Variants in DPP6 observed in about 807,000 individuals in gnomAD.
The protein encoded by DPP6 is A-type potassium channel modulatory protein DPP6.
In DPP6, 69 loss-of-function variants were observed where a neutral mutation model predicts 122.6. The observed-to-expected ratio is 0.56, with a 90% CI of 0.46 to 0.69. DPP6 has a LOEUF of 0.69. DPP6 is among the 30% of genes least tolerant of loss of function. DPP6 has a pLI of 0.00. For synonymous variants in DPP6, 418 were observed against 433.1 expected (o/e 0.97, Z 0.43); for missense variants, 928 against 1,116.9 (o/e 0.83, Z 2.41).
At chr7:153,904,830 T>C (rs1290365102) in intron 1 of DPP6, among the ~76,000 whole-genome samples, 1 of 152,260 alleles carries the variant, frequency 6.6e-6, no homozygotes, top group Non-Finnish European at 1.5e-5. Context: ...GAAGGTTCAC[T>C]GAAAATCAAC....
intron 8 of DPP6, among the ~76,000 whole-genome samples, chr7:154,749,254 A>T (rs368524915): frequency 2.7e-5 from 3 of 110,758 alleles, no homozygotes; most frequent in African/African-American, 3.5e-5. Context: ...GGCTTTACTG[A>T]GAGAGGGTGA....
chr7:154,883,698 GTGCTCACAA>G (rs1805711841), intron 21 of DPP6: 1 of 129,338 alleles, frequency 7.7e-6, no homozygotes, highest in Non-Finnish European at 1.6e-5. Flanking sequence ...ACACACACAC[GTGCTCACAA>G]ATTACATACA....
At chr7:154,438,283 C>T (rs367596414) in intron 1 of DPP6, among the ~76,000 whole-genome samples, 23 of 151,764 alleles carry the variant, frequency 1.5e-4, no homozygotes, top group Admixed American at 6.6e-4. Context: ...CTGGCTGACA[C>T]GGTGAAACCC....
intron 3 of DPP6, among the ~76,000 whole-genome samples, chr7:154,534,413 G>C (rs1376594734): frequency 6.6e-6 from 1 of 152,062 alleles, no homozygotes; most frequent in African/African-American, 2.4e-5. Flanking sequence ...TAAATAAAAG[G>C]TACACAGATT....
intron 18 of DPP6, among the ~76,000 whole-genome samples, chr7:154,871,746 G>A (rs1485408116): frequency 6.6e-6 from 1 of 152,092 alleles, no homozygotes; most frequent in African/African-American, 2.4e-5. Context: ...TGGCTGCCCA[G>A]CCAGCCACCC....
intron 16 of DPP6, among the ~76,000 whole-genome samples, chr7:154,827,607 G>A (rs1419550046): frequency 2.6e-5 from 4 of 151,766 alleles, no homozygotes; most frequent in Admixed American, 2.6e-4. Context: ...CCCACTGGGG[G>A]TGTTTAAGCC....
intron 3 of DPP6, among the ~76,000 whole-genome samples, chr7:154,501,298 A>G (rs917414417): frequency 6.7e-5 from 10 of 149,126 alleles, no homozygotes; most frequent in Non-Finnish European, 1.3e-4. Context: ...CCAGCTGCAG[A>G]CATTTGCATA....
intron 1 of DPP6, among the ~76,000 whole-genome samples, chr7:153,964,856 C>CCTTTTCCCTTTCCTTTCCTTTCCTTTTT (rs1795577485): frequency 7.6e-6 from 1 of 132,132 alleles, no homozygotes; most frequent in Non-Finnish European, 1.5e-5. Flanking sequence ...TTTTCCTTTT[C>CCTTTTCCCTTTCCTTTCCTTTCCTTTTT]CCTTTCCTTT....
chr7:153,809,778 G>T, the DPP6 span, among the ~76,000 whole-genome samples: 1 of 149,462 alleles, frequency 6.7e-6, no homozygotes, highest in Admixed American at 6.7e-5. Flanking sequence ...CAACATCTCT[G>T]AGCCTCACTT....
chr7:154,336,824 G>T (rs533840731), intron 1 of DPP6, among the ~76,000 whole-genome samples: 107 of 152,254 alleles, frequency 7.0e-4, no homozygotes, highest in African/African-American at 2.4e-3. Context: ...CAGGAAGTGG[G>T]CAGGCTCCAT....
intron 1 of DPP6, among the ~76,000 whole-genome samples, chr7:153,910,534 C>T (rs1031264162): frequency 6.6e-6 from 1 of 152,088 alleles, no homozygotes; most frequent in African/African-American, 2.4e-5. Flanking sequence ...CCTCATTCAT[C>T]TACATAGCTT....
chr7:153,996,813 G>A (rs1419969162), intron 1 of DPP6, among the ~76,000 whole-genome samples: 1 of 152,140 alleles, frequency 6.6e-6, no homozygotes, highest in African/African-American at 2.4e-5. Flanking sequence ...TATTCAGAGT[G>A]GTTGATATGG....
chr7:154,840,045 C>T (rs916079653), intron 16 of DPP6, among the ~76,000 whole-genome samples: 5 of 152,114 alleles, frequency 3.3e-5, no homozygotes, highest in Admixed American at 6.5e-5. Flanking sequence ...GAGGCCAGAG[C>T]GTGGAACGAC....
intron 10 of DPP6, among the ~76,000 whole-genome samples, chr7:154,777,597 C>A (rs1796662093): frequency 6.6e-6 from 1 of 152,162 alleles, no homozygotes; most frequent in Admixed American, 6.5e-5. Context: ...TTCCTCCGGC[C>A]TTTCCCGAGC....
At chr7:154,854,481 C>A (rs1802657475) in intron 17 of DPP6, among the ~76,000 whole-genome samples, 1 of 151,934 alleles carries the variant, frequency 6.6e-6, no homozygotes, top group Non-Finnish European at 1.5e-5. Context: ...CTCACAAGAT[C>A]CTTGCTGAAG....
the DPP6 span, among the ~76,000 whole-genome samples, chr7:153,845,703 T>C: frequency 6.6e-6 from 1 of 152,134 alleles, no homozygotes. Flanking sequence ...TTTTCTCCAC[T>C]AGTATAAGGT....
intron 5 of DPP6, among the ~76,000 whole-genome samples, chr7:154,622,238 C>T (rs532320400): frequency 2.2e-4 from 34 of 152,230 alleles, no homozygotes; most frequent in African/African-American, 7.0e-4. Flanking sequence ...AATGATATAG[C>T]GACAATGGCA....
the DPP6 span, among the ~76,000 whole-genome samples, chr7:153,780,626 T>C: frequency 6.6e-6 from 1 of 152,270 alleles, no homozygotes; most frequent in East Asian, 1.9e-4. Flanking sequence ...AGTATTGTGA[T>C]TGGCGAGAGG....
intron 1 of DPP6, among the ~76,000 whole-genome samples, chr7:154,438,386 C>A (rs765579153): frequency 1.6e-4 from 21 of 130,514 alleles, no homozygotes; most frequent in Non-Finnish European, 3.1e-4. Context: ...AGGAGAACGG[C>A]GTGAACCCAG....
Sources: gnomAD v4.1 joint callset for allele counts (sites outside exome capture counted in the v4.1 genomes callset) on GRCh38, gnomAD v4.1.1 for gene constraint, MANE v1.5 for transcripts, NCBI Gene and HGNC (gene_info 2026-07-23, HGNC 2026-07-21) for gene names.